The following IRS1 variants were observed in gnomAD, a reference collection of about 807,000 sequenced individuals.
IRS1 encodes the protein insulin receptor substrate 1.
Under a neutral mutation model 65.6 loss-of-function variants are expected in IRS1, and 34 were observed. The observed-to-expected ratio is 0.52, with a 90% CI of 0.39 to 0.69. The LOEUF (loss-of-function observed/expected upper bound fraction) is 0.69, where lower values mean the gene tolerates loss of function less well. IRS1 is among the 30% of genes least tolerant of loss of function. The pLI is 0.00. For synonymous variants in IRS1, 699 were observed against 683.5 expected, an observed-to-expected ratio of 1.02 and a Z score of -0.35; for missense variants, 1,641 against 1,720.2, an observed-to-expected ratio of 0.95 and a Z score of 0.81.
intron 1 of IRS1, among the ~76,000 whole-genome samples, chr2:226,782,500 C>T (rs1428748506): frequency 6.6e-6 from 1 of 152,164 alleles, no homozygotes; most frequent in Admixed American, 6.5e-5. Flanking sequence ...GTCTCTGACT[C>T]CATTTAGGCC....
intron 1 of IRS1, among the ~76,000 whole-genome samples, chr2:226,759,442 C>T (rs1243720810): frequency 6.6e-6 from 1 of 152,172 alleles, no homozygotes; most frequent in Admixed American, 6.5e-5. Flanking sequence ...CATGGCAGAA[C>T]CATGGCAGCT....
chr2:226,773,609 C>T (rs1284329992), intron 1 of IRS1, among the ~76,000 whole-genome samples: 1 of 151,022 alleles, frequency 6.6e-6, no homozygotes, highest in Non-Finnish European at 1.5e-5. Flanking sequence ...GACTGTATAA[C>T]TTGTTAGCTT....
At chr2:226,782,364 T>C (rs925348541) in intron 1 of IRS1, among the ~76,000 whole-genome samples, 6 of 152,226 alleles carry the variant, frequency 3.9e-5, no homozygotes, top group African/African-American at 7.2e-5. Context: ...TTAACTAAAG[T>C]ACTGCCTTTG....
In IRS1 at chr2:226,795,213, C is replaced by T; in HGVS notation, c.3526G>A (p.Gly1176Ser). 3 of 1,614,038 alleles carry T rather than the reference C, an allele frequency of 1.9e-6. No individual in the cohort carries two copies. The highest frequency in any genetic ancestry group is 2.2e-5 in the South Asian group (2 of 91,074). The change falls in exon 1 of 2, where the codon GGT becomes AGT. Residue 1176 changes from glycine to serine, a missense_variant. Coordinates refer to ENST00000305123, the MANE Select transcript of IRS1 (RefSeq NM_005544.3). ...LCGAAGGLEN[G>S]LNYIDLDLVK... ...AAATCCAGGTCTATGTAGTTAAGAC[C>T]ATTCTCCAAACCCCCAGCAGCCCCA...
At chr2:226,753,757 C>T (rs1156899506) in intron 1 of IRS1, among the ~76,000 whole-genome samples, 1 of 152,182 alleles carries the variant, frequency 6.6e-6, no homozygotes, top group Non-Finnish European at 1.5e-5. Flanking sequence ...ACGAGATCCT[C>T]ATAGTTGGCA....
intron 1 of IRS1, among the ~76,000 whole-genome samples, chr2:226,793,810 G>C (rs1939654464): frequency 1.3e-5 from 2 of 152,178 alleles, no homozygotes; most frequent in African/African-American, 2.4e-5. Flanking sequence ...CACATTATTT[G>C]CAAACTGTAC....
Position 226,797,652 on chromosome 2 carries a change from C to A in IRS1, c.1087G>T (p.Ala363Ser), listed in dbSNP as rs1447178819. Residue 363 changes from alanine to serine, a missense_variant, in exon 1 of 2, where the codon GCC becomes TCC. Around this residue, in one of 3 missense-constraint regions of IRS1, gnomAD observed 1,324 missense variants for 1,361.0 expected, o/e 0.97. Coordinates refer to ENST00000305123, the MANE Select transcript of IRS1 (RefSeq NM_005544.3). The surrounding 1 kb of genome is among the most constrained non-coding windows in gnomAD (Gnocchi z 8.1). ...TGGTTGAGCGGGGGGTGCAGCCGGG[C>A]GCTGCCCCGATGCCGGTGGGCGTGG... Reference protein sequence around the residue: ...RTHAHRHRGSARLHPPLNHSR... With the variant: ...RTHAHRHRGSSRLHPPLNHSR... 6.3e-7 allele frequency: 1 copy of A among 1,592,540 alleles called. No individual in the cohort carries two copies. Among genetic ancestry groups the A allele is most frequent in the South Asian group, 1.1e-5 (1 of 89,398 alleles).
chr2:226,798,626 G>A lies in IRS1; in HGVS notation c.113C>T (p.Ala38Val), dbSNP rs1359256482. 6.8e-6 allele frequency: 11 copies of A among 1,612,930 alleles called. No homozygotes were observed. Among genetic ancestry groups the A allele is most frequent in the Non-Finnish European group, 9.3e-6 (11 of 1,179,574 alleles). The change falls in exon 1 of 2, where the codon GCT becomes GTT. Residue 38 changes from alanine to valine, a missense_variant. Around this residue, in one of 3 missense-constraint regions of IRS1, gnomAD observed 240 missense variants for 229.6 expected, o/e 1.05. Coordinates refer to ENST00000305123, the MANE Select transcript of IRS1 (RefSeq NM_005544.3). The surrounding 1 kb of genome is among the most constrained non-coding windows in gnomAD (Gnocchi z 9.4). ...GTACTCGAGGCGCGCCGGGCCCCCA[G>A]CCTCGCTGGCCGCGCGCAGTACGAA... The part of the protein sequence containing the change: ...RFFVLRAASE[A>V]GGPARLEYYE...
At chr2:226,749,204 C>G (rs1033725300) in intron 1 of IRS1, among the ~76,000 whole-genome samples, 1 of 152,188 alleles carries the variant, frequency 6.6e-6, no homozygotes, top group African/African-American at 2.4e-5. Context: ...TTACATGTCA[C>G]AAGCGGGCCA....
rs982292544 is a variant in IRS1, at chr2:226,735,993, A to C, written c.*279T>G. 2 of 152,576 alleles carry C rather than the reference A, an allele frequency of 1.3e-5. No individual in the cohort carries two copies. Among genetic ancestry groups the C allele is most frequent in the Non-Finnish European group, 2.9e-5 (2 of 68,030 alleles). 9.5% of individuals were successfully genotyped at this position (152,576 alleles called of 1,614,324 possible). On this transcript the variant is annotated 3_prime_UTR_variant, in exon 2 of 2. Transcript: ENST00000305123. The stretch of plus-strand genomic sequence containing the variant: ...CTCACTGTGGCCAGCTAAGTCCTTA[A>C]GGTTGAAGATGAAGTTTATGCAGAC...
chr2:226,786,982 A>C (rs1329345440), intron 1 of IRS1, among the ~76,000 whole-genome samples: 1 of 152,110 alleles, frequency 6.6e-6, no homozygotes, highest in Non-Finnish European at 1.5e-5. Flanking sequence ...CCACCCACCC[A>C]AAGGAAAAAA....
intron 1 of IRS1, among the ~76,000 whole-genome samples, chr2:226,739,442 A>T (rs1938393749): frequency 6.6e-6 from 1 of 152,194 alleles, no homozygotes; most frequent in African/African-American, 2.4e-5. Context: ...AGCCTTGGGC[A>T]TATTCTTTTG....
chr2:226,773,454 G>T (rs1346894924), intron 1 of IRS1, among the ~76,000 whole-genome samples: 1 of 151,924 alleles, frequency 6.6e-6, no homozygotes, highest in Non-Finnish European at 1.5e-5. Flanking sequence ...TATAAAAGAA[G>T]CCTCACTGTA....
At chr2:226,785,623 C>T (rs1296013898) in intron 1 of IRS1, among the ~76,000 whole-genome samples, 3 of 152,090 alleles carry the variant, frequency 2.0e-5, no homozygotes, top group Non-Finnish European at 2.9e-5. Flanking sequence ...CAAAAATAAA[C>T]AAATAAATAA....
Position 226,741,411 on chromosome 2 carries a change from A to G in IRS1, c.*22-5161T>C, listed in dbSNP as rs1034648970. Among the ~76,000 whole-genome samples, 5 of 152,158 alleles carry G rather than the reference A, an allele frequency of 3.3e-5. No homozygotes were observed. In the South Asian group the frequency reaches 1.0e-3, roughly 32 times the overall value. ...GGCTTTAGTTTCCAAAAGCCTCAGT[A>G]TTTAAAGGAAGGGCACAGGCAAAAT... On this transcript the variant is annotated intron_variant, in intron 1 of 1. Transcript: ENST00000305123.
Position 226,796,303 on chromosome 2 carries a change from G to T in IRS1, c.2436C>A (p.Ser812Arg). ...ATADDSSSSTSSDSLGGGYCG... is the reference protein window; with the variant it reads ...ATADDSSSSTRSDSLGGGYCG... Reference sequence around the variant, plus strand: ...AGTATCCCCCACCCAGGCTGTCGCTGCTGGTGGAAGAGGAAGAATCATCTG... The same window carrying T: ...AGTATCCCCCACCCAGGCTGTCGCTTCTGGTGGAAGAGGAAGAATCATCTG... The change falls in exon 1 of 2, where the codon AGC (serine) becomes AGA (arginine). Residue 812 changes from serine to arginine, a missense_variant. By Grantham distance (110) the Ser-to-Arg change is moderately radical. This residue lies in a region of IRS1 where 1,324 missense variants were observed against 1,361.0 expected (regional missense o/e 0.97). Transcript: ENST00000305123. The T allele has an allele frequency of 6.2e-7, 1 of 1,613,494 alleles. No individual in the cohort carries two copies.
In IRS1 at chr2:226,795,608, G is replaced by C; in HGVS notation, c.3131C>G (p.Pro1044Arg). Reference sequence around the variant, plus strand: ...CTCTGCTGCCCCTTGAGGCCCAGTCGGGGAAGCAGAGGCTGCTGAGGATGA... The same window carrying C: ...CTCTGCTGCCCCTTGAGGCCCAGTCCGGGAAGCAGAGGCTGCTGAGGATGA... The part of the protein sequence containing the change: ...ASSSSAASAS[P>R]TGPQGAAELA... The change falls in exon 1 of 2, where the codon CCG becomes CGG. Residue 1044 changes from proline to arginine, a missense_variant. By Grantham distance (103) the Pro-to-Arg change is moderately radical. Coordinates refer to ENST00000305123, the MANE Select transcript of IRS1 (RefSeq NM_005544.3). The C allele has an allele frequency of 6.2e-7, 1 of 1,612,488 alleles. No individual in the cohort carries two copies. Among genetic ancestry groups the C allele is most frequent in the Non-Finnish European group, 8.5e-7 (1 of 1,179,736 alleles).
intron 1 of IRS1, among the ~76,000 whole-genome samples, chr2:226,785,305 C>T (rs1939465185): frequency 6.6e-6 from 1 of 152,016 alleles, no homozygotes. Context: ...TGTTTAAAAA[C>T]TTAAGACACT....
intron 1 of IRS1, among the ~76,000 whole-genome samples, chr2:226,774,981 GC>G (rs1441236780): frequency 6.6e-6 from 1 of 152,112 alleles, no homozygotes; most frequent in Non-Finnish European, 1.5e-5. Flanking sequence ...ATTTTTTAGG[GC>G]CTTGATACTA....
Sources: allele counts gnomAD v4.1 joint callset (sites outside exome capture counted in the v4.1 genomes callset), GRCh38; gene constraint gnomAD v4.1.1; regional missense constraint gnomAD v4.1.1; non-coding constraint Gnocchi (gnomAD v3.1); transcripts MANE v1.5; gene names NCBI Gene and HGNC (gene_info 2026-07-23, HGNC 2026-07-21).